The following KSR2 variants were observed in gnomAD, a reference collection of about 807,000 sequenced individuals.
The protein encoded by KSR2 is kinase suppressor of ras 2.
Under a neutral mutation model 107.8 loss-of-function variants are expected in KSR2, and 25 were observed. That is an observed-to-expected ratio of 0.23 (90% CI 0.17 to 0.32). KSR2 has a LOEUF of 0.32. KSR2 is among the 10% of genes least tolerant of loss of function. The probability of loss-of-function intolerance (pLI) is 1.00; values close to 1 mark genes in which losing one functional copy is unlikely to be tolerated. For synonymous variants in KSR2, 480 were observed against 507.0 expected (o/e 0.95, Z 0.71); for missense variants, 887 against 1,268.9 (o/e 0.70, Z 4.57).
intron 5 of KSR2, among the ~76,000 whole-genome samples, chr12:117,659,945 G>A (rs1884356008): frequency 6.6e-6 from 1 of 152,146 alleles, no homozygotes; most frequent in Non-Finnish European, 1.5e-5. Context: ...ACAGTGCTGG[G>A]CCCACATCTC....
intron 5 of KSR2, among the ~76,000 whole-genome samples, chr12:117,632,460 T>A (rs1253110275): frequency 6.6e-6 from 1 of 151,970 alleles, no homozygotes; most frequent in Non-Finnish European, 1.5e-5. Flanking sequence ...ACTCCTGACT[T>A]CATGATCAAC....
intron 10 of KSR2, among the ~76,000 whole-genome samples, chr12:117,533,428 T>C (rs185032622): frequency 8.5e-4 from 129 of 152,326 alleles, no homozygotes; most frequent in African/African-American, 2.9e-3. Flanking sequence ...GCAAAAACCT[T>C]GGGCTTAGTC....
chr12:117,943,381 T>C (rs1279963643), intron 1 of KSR2, among the ~76,000 whole-genome samples: 1 of 151,010 alleles, frequency 6.6e-6, no homozygotes, highest in African/African-American at 2.4e-5. Context: ...CATGTACAAC[T>C]ACAAAAGCTA....
intron 5 of KSR2, among the ~76,000 whole-genome samples, chr12:117,617,346 G>A (rs140888018): frequency 3.2e-4 from 49 of 152,060 alleles, no homozygotes; most frequent in South Asian, 2.1e-3. Context: ...TTAAACCCAC[G>A]TATTGAATTC....
At chr12:117,717,690 T>C (rs1409504435) in intron 4 of KSR2, among the ~76,000 whole-genome samples, 1 of 145,558 alleles carries the variant, frequency 6.9e-6, no homozygotes, top group African/African-American at 2.5e-5. Flanking sequence ...TGTGTGTGTG[T>C]GTGTGTGTGT....
chr12:117,948,402 A>G (rs1483215544), intron 1 of KSR2, among the ~76,000 whole-genome samples: 3 of 152,020 alleles, frequency 2.0e-5, no homozygotes, highest in African/African-American at 7.2e-5. Flanking sequence ...AGGCAGGAGA[A>G]CTGCTTGAAC....
chr12:117,963,900 C>G (rs572842286), intron 1 of KSR2, among the ~76,000 whole-genome samples: 1 of 152,312 alleles, frequency 6.6e-6, no homozygotes, highest in Non-Finnish European at 1.5e-5. Flanking sequence ...CCCTCCTCAT[C>G]CTTCACTCCA....
chr12:117,572,607 G>T (rs1878964555), intron 7 of KSR2, among the ~76,000 whole-genome samples: 2 of 151,804 alleles, frequency 1.3e-5, no homozygotes, highest in Admixed American at 1.3e-4. Flanking sequence ...GAGAAAATGG[G>T]TAGCTAAAAC....
chr12:117,812,960 G>C (rs1234052551), intron 3 of KSR2, among the ~76,000 whole-genome samples: 1 of 151,464 alleles, frequency 6.6e-6, no homozygotes, highest in Non-Finnish European at 1.5e-5. Flanking sequence ...CATTGTACAG[G>C]CATACAAACA....
At chr12:117,741,613 G>T (rs1888225076) in intron 4 of KSR2, among the ~76,000 whole-genome samples, 1 of 152,170 alleles carries the variant, frequency 6.6e-6, no homozygotes, top group African/African-American at 2.4e-5. Context: ...ATTACAGTGA[G>T]CTATGATTGT....
intron 1 of KSR2, among the ~76,000 whole-genome samples, chr12:117,884,448 A>C (rs1894114948): frequency 1.3e-5 from 2 of 152,308 alleles, no homozygotes; most frequent in Non-Finnish European, 2.9e-5. Context: ...CTCTCGCTAG[A>C]ACTGAACACA....
intron 4 of KSR2, among the ~76,000 whole-genome samples, chr12:117,719,891 G>A (rs1179848965): frequency 6.6e-6 from 1 of 152,166 alleles, no homozygotes. Flanking sequence ...TCTGAGGTTA[G>A]TGTGTTGGGG....
chr12:117,859,546 T>G (rs995307450), intron 2 of KSR2, among the ~76,000 whole-genome samples: 7 of 150,368 alleles, frequency 4.7e-5, no homozygotes, highest in African/African-American at 1.7e-4. Flanking sequence ...AACCTCAACC[T>G]CCTGGGCTCA....
At chr12:117,716,246 G>A (rs889384268) in intron 4 of KSR2, among the ~76,000 whole-genome samples, 12 of 152,176 alleles carry the variant, frequency 7.9e-5, no homozygotes, top group African/African-American at 2.9e-4. Flanking sequence ...CATAGTATAT[G>A]CTCAATAAAT....
In KSR2 at chr12:117,912,134, A is replaced by G. The variant is rs186389345; in HGVS notation, c.181-51703T>C. 2.1e-3 allele frequency among the ~76,000 whole-genome samples: 316 copies of G among 152,308 alleles called. 1 individual carries two copies. Among genetic ancestry groups the G allele is most frequent in the Non-Finnish European group, 3.7e-3 (249 of 68,032 alleles). ...ATGAAAGTGGCGTAGGGCTCTCTCA[A>G]CCTCTAAGAGGTGTTGTGATAAACG... On this transcript the variant is annotated intron_variant, in intron 1 of 19. Coordinates refer to ENST00000339824, the MANE Select transcript of KSR2 (RefSeq NM_173598.6).
chr12:117,901,478 A>C (rs1894682566), intron 1 of KSR2, among the ~76,000 whole-genome samples: 1 of 151,732 alleles, frequency 6.6e-6, no homozygotes, highest in African/African-American at 2.4e-5. Context: ...AATTTTTTGT[A>C]TTTTAGTAGA....
chr12:117,723,615 C>CA (rs1887297757), intron 4 of KSR2, among the ~76,000 whole-genome samples: 1 of 151,554 alleles, frequency 6.6e-6, no homozygotes, highest in South Asian at 2.1e-4. Context: ...AATAAAAGCT[C>CA]AAAAAATGCA....
At chr12:117,830,795 T>C (rs1188864481) in intron 3 of KSR2, among the ~76,000 whole-genome samples, 1 of 152,222 alleles carries the variant, frequency 6.6e-6, no homozygotes, top group Non-Finnish European at 1.5e-5. Flanking sequence ...GACATGATAC[T>C]GTTTGGGTTT....
chr12:117,792,735 A>T (rs560341495), intron 3 of KSR2, among the ~76,000 whole-genome samples: 3 of 152,332 alleles, frequency 2.0e-5, no homozygotes, highest in African/African-American at 7.2e-5. Context: ...GGGATATGTC[A>T]TAATGTGATT....
Sources: allele counts gnomAD v4.1 joint callset (sites outside exome capture counted in the v4.1 genomes callset), GRCh38; gene constraint gnomAD v4.1.1; transcripts MANE v1.5; gene names NCBI Gene and HGNC (gene_info 2026-07-23, HGNC 2026-07-21).